EGFLAM: variants seen among roughly 807,000 people sequenced by gnomAD.
EGFLAM encodes the protein EGF like, fibronectin type III and laminin G domains.
Under a neutral mutation model 113.1 loss-of-function variants are expected in EGFLAM, and 79 were observed. The ratio of observed to expected loss-of-function variants is 0.70; its 90% CI spans 0.58 to 0.84. EGFLAM has a LOEUF of 0.84. EGFLAM is among the 40% of genes least tolerant of loss of function. The pLI, the probability that EGFLAM is intolerant of heterozygous loss-of-function variation, is 0.00. For missense variants in EGFLAM, 1,265 were observed against 1,291.6 expected, an observed-to-expected ratio of 0.98 and a Z score of 0.32; for synonymous variants, 504 against 487.6, an observed-to-expected ratio of 1.03 and a Z score of -0.44.
At chr5:38,275,765 C>A (rs533442099) in intron 1 of EGFLAM, among the ~76,000 whole-genome samples, 1 of 152,154 alleles carries the variant, frequency 6.6e-6, no homozygotes, top group African/African-American at 2.4e-5. Context: ...GCAGAATACA[C>A]AATTTTCTTA....
At chr5:38,352,125 C>T in intron 4 of EGFLAM, 71 bp from the exon 5 acceptor site, 2 of 1,603,492 alleles carry the variant, frequency 1.2e-6, no homozygotes, top group South Asian at 1.1e-5. Context: ...AGACCACCAG[C>T]CTAGCCCATT....
intron 14 of EGFLAM, 162 bp downstream of exon 14, chr5:38,427,414 C>A: frequency 8.2e-7 from 1 of 1,222,206 alleles, no homozygotes; most frequent in Non-Finnish European, 1.1e-6. Flanking sequence ...AGGCAGATGA[C>A]AGGCTTCCTA....
intron 15 of EGFLAM, among the ~76,000 whole-genome samples, chr5:38,433,907 C>G (rs1461698042): frequency 1.3e-5 from 2 of 152,204 alleles, no homozygotes; most frequent in African/African-American, 2.4e-5. Context: ...GTCTATTAAT[C>G]TAATTGAAAT....
chr5:38,443,638 G>A (rs911220776), intron 17 of EGFLAM, among the ~76,000 whole-genome samples: 1 of 152,238 alleles, frequency 6.6e-6, no homozygotes, highest in African/African-American at 2.4e-5. Flanking sequence ...GCTCCGGCAG[G>A]ATGGGCATCC....
chr5:38,293,168 C>T (rs1758375458), intron 1 of EGFLAM, among the ~76,000 whole-genome samples: 1 of 152,002 alleles, frequency 6.6e-6, no homozygotes, highest in Non-Finnish European at 1.5e-5. Context: ...CTATGAAGAC[C>T]CTTGACTTTC....
intron 1 of EGFLAM, among the ~76,000 whole-genome samples, chr5:38,261,015 G>A (rs2589789): frequency 6.6e-6 from 1 of 151,960 alleles, no homozygotes; most frequent in African/African-American, 2.4e-5. Flanking sequence ...TCGTGGCCAC[G>A]GTGCAGGCAT....
At chr5:38,458,465 G>A in intron 20 of EGFLAM, 71 bp downstream of exon 20, 36 of 1,482,490 alleles carry the variant, frequency 2.4e-5, no homozygotes, top group Non-Finnish European at 3.2e-5. Context: ...CAGTTCCCTT[G>A]TAGTCCCACT....
chr5:38,453,902 C>T (rs892968898), intron 19 of EGFLAM, among the ~76,000 whole-genome samples: 2 of 152,190 alleles, frequency 1.3e-5, no homozygotes, highest in African/African-American at 4.8e-5. Context: ...AGCCCCCTCC[C>T]CTCTCCCACC....
chr5:38,443,694 C>T (rs1306914194), intron 17 of EGFLAM, among the ~76,000 whole-genome samples: 1 of 152,006 alleles, frequency 6.6e-6, no homozygotes, highest in Non-Finnish European at 1.5e-5. Flanking sequence ...GGGAAGTTAG[C>T]CTTCCATGCC....
chr5:38,420,294 A>G (rs1469954985), intron 12 of EGFLAM, among the ~76,000 whole-genome samples: 1 of 152,266 alleles, frequency 6.6e-6, no homozygotes, highest in Non-Finnish European at 1.5e-5. Flanking sequence ...TTTACCATCC[A>G]TTGATTACTT....
At position 38,464,927 on chromosome 5, in the gene EGFLAM, ATG is replaced by A. The variant is rs1439543591; in HGVS notation, c.*945_*946del. 1.3e-5 allele frequency: 2 copies of A among 152,206 alleles called. No homozygotes were observed. The highest frequency in any genetic ancestry group is 1.9e-4 in the East Asian group (1 of 5,196). 9.4% of individuals were successfully genotyped at this position (152,206 alleles called of 1,614,324 possible). A position where few individuals can be genotyped will look rare whatever the true frequency, so the allele number is the denominator to read the frequency against. On this transcript the variant is annotated 3_prime_UTR_variant, in exon 22 of 22. Transcript: ENST00000322350. The stretch of plus-strand genomic sequence containing the variant: ...CCAAGATAAGCAGATTAAAAGGAAC[ATG>A]TGTTACCGAGGTAGGTCACTGTCAT...
intron 1 of EGFLAM, among the ~76,000 whole-genome samples, chr5:38,261,912 G>A (rs961585568): frequency 6.6e-6 from 1 of 152,178 alleles, no homozygotes; most frequent in African/African-American, 2.4e-5. Context: ...TACAGTACCT[G>A]AGGGTAGAAA....
At chr5:38,278,441 C>T (rs1757938372) in intron 1 of EGFLAM, among the ~76,000 whole-genome samples, 1 of 151,530 alleles carries the variant, frequency 6.6e-6, no homozygotes, top group Admixed American at 6.6e-5. Flanking sequence ...TATTAAATTA[C>T]CAGAAGAAAA....
At chr5:38,462,092 CCGG>C (rs1257439703) in intron 20 of EGFLAM, among the ~76,000 whole-genome samples, 6 of 152,142 alleles carry the variant, frequency 3.9e-5, no homozygotes, top group Non-Finnish European at 7.3e-5. Flanking sequence ...GGCGTGAACC[CCGG>C]GGGGCGGAGC....
chr5:38,296,677 T>G (rs1474985493), intron 1 of EGFLAM, among the ~76,000 whole-genome samples: 11 of 151,464 alleles, frequency 7.3e-5, no homozygotes. Context: ...TTATTAATTA[T>G]AAAATATAAT....
chr5:38,307,293 G>C (rs895454555), intron 1 of EGFLAM, among the ~76,000 whole-genome samples: 1 of 152,128 alleles, frequency 6.6e-6, no homozygotes, highest in African/African-American at 2.4e-5. Flanking sequence ...ATCTCATCTT[G>C]AATTGTAGTT....
chr5:38,303,994 C>T (rs1758659110), intron 1 of EGFLAM, among the ~76,000 whole-genome samples: 1 of 151,678 alleles, frequency 6.6e-6, no homozygotes. Context: ...AAAAATTAGC[C>T]AGGTGTGGCC....
chr5:38,291,725 G>T (rs537950058), intron 1 of EGFLAM, among the ~76,000 whole-genome samples: 2 of 152,306 alleles, frequency 1.3e-5, no homozygotes, highest in Non-Finnish European at 2.9e-5. Context: ...ATGATTAGGA[G>T]GTGACAAAAA....
chr5:38,402,765 A>G (rs58221677), intron 6 of EGFLAM, among the ~76,000 whole-genome samples: 9,780 of 152,290 alleles, frequency 0.064, 404 homozygotes, highest in African/African-American at 0.1. Context: ...GTAGAATTCA[A>G]TAAATCATGG....
Sources: gnomAD v4.1 joint callset for allele counts (sites outside exome capture counted in the v4.1 genomes callset) on GRCh38, gnomAD v4.1.1 for gene constraint, MANE v1.5 for transcripts, NCBI Gene and HGNC (gene_info 2026-07-23, HGNC 2026-07-21) for gene names.